Variants in FADS2 observed in about 807,000 individuals in gnomAD.
The protein encoded by FADS2 is fatty acid desaturase 2.
FADS2 carries 18 observed loss-of-function variants against 61.2 expected under a neutral mutation model. The observed-to-expected ratio is 0.29, with a 90% CI of 0.20 to 0.44. The LOEUF is 0.44. FADS2 is among the 20% of genes least tolerant of loss of function. The pLI is 1.00. For missense variants in FADS2, 322 were observed against 572.7 expected (o/e 0.56, Z 4.47); for synonymous variants, 203 against 223.9 (o/e 0.91, Z 0.83).
At chr11:61,850,577 C>T (rs1358059949) in intron 5 of FADS2, among the ~76,000 whole-genome samples, 1 of 152,108 alleles carries the variant, frequency 6.6e-6, no homozygotes, top group Non-Finnish European at 1.5e-5. Context: ...AAAGCCCCAC[C>T]AATGCGTTCC....
At position 61,862,993 on chromosome 11, in the gene FADS2, T is replaced by C; in HGVS notation, c.904T>C (p.Tyr302His). The part of the protein sequence containing the change: ...NWVDLAWAVS[Y>H]YIRFFITYIP... ...GCAGGACCTGGCCTGGGCCGTCAGC[T>C]ACTACATCCGGTTCTTCATCACCTA... Residue 302 changes from tyrosine to histidine, a missense_variant, in exon 8 of 12, where the codon TAC (tyrosine) becomes CAC (histidine). Physicochemically the swap from Tyr to His is moderately conservative, Grantham distance 83 (BLOSUM62 2). Around this residue, in one of 3 missense-constraint regions of FADS2, gnomAD observed 221 missense variants for 427.9 expected, o/e 0.52. Coordinates refer to ENST00000278840, the MANE Select transcript of FADS2 (RefSeq NM_004265.4). 6.2e-7 allele frequency: 1 copy of C among 1,614,232 alleles called. No individual in the cohort carries two copies. The highest frequency in any genetic ancestry group is 8.5e-7 in the Non-Finnish European group (1 of 1,180,034).
chr11:61,817,160 A>T, intron 1 of FADS2: 4 of 246,756 alleles, frequency 1.6e-5, no homozygotes, highest in East Asian at 1.1e-4. Context: ...GCAGGAGTGA[A>T]TGGACTGAGG....
upstream of FADS2, among the ~76,000 whole-genome samples, chr11:61,824,507 G>GA (rs1279487314): frequency 5.8e-5 from 6 of 104,014 alleles, no homozygotes; most frequent in South Asian, 2.7e-4. Flanking sequence ...AGAAAGGAAA[G>GA]AAAGAAAGAA....
intron 5 of FADS2, among the ~76,000 whole-genome samples, chr11:61,853,277 TCCCTCCCTCCCTC>T (rs2067325111): frequency 2.1e-5 from 1 of 48,038 alleles, no homozygotes; most frequent in Non-Finnish European, 3.7e-5. Context: ...CTCCCTCCCT[TCCCTCCCTCCCTC>T]CCTTCCTTCC....
upstream of FADS2, among the ~76,000 whole-genome samples, chr11:61,823,642 G>A (rs557014123): frequency 1.3e-5 from 2 of 152,082 alleles, no homozygotes; most frequent in Non-Finnish European, 2.9e-5. Context: ...TCAGCCTCCC[G>A]AGTAGCTGGG....
intron 1 of FADS2, among the ~76,000 whole-genome samples, chr11:61,834,525 G>T (rs2067154456): frequency 1.3e-5 from 2 of 152,160 alleles, no homozygotes; most frequent in African/African-American, 4.8e-5. Context: ...TCTGGAAATG[G>T]CTGAGCAGCA....
chr11:61,818,854 A>G (rs1486427163), intron 1 of FADS2, among the ~76,000 whole-genome samples: 1 of 134,226 alleles, frequency 7.5e-6, no homozygotes, highest in Non-Finnish European at 1.7e-5. Flanking sequence ...ATAGTTTGAC[A>G]ACTTATATAG....
intron 1 of FADS2, among the ~76,000 whole-genome samples, chr11:61,834,569 C>T (rs1022967070): frequency 5.3e-5 from 8 of 152,188 alleles, no homozygotes; most frequent in Non-Finnish European, 7.4e-5. Context: ...CATCTGTCTG[C>T]TCCCTTGGAG....
intron 7 of FADS2, among the ~76,000 whole-genome samples, chr11:61,861,190 TAAAAATACA>T (rs2067410911): frequency 6.6e-6 from 1 of 151,074 alleles, no homozygotes; most frequent in South Asian, 2.1e-4. Flanking sequence ...CCATCTCCAC[TAAAAATACA>T]AAAAATTATC....
upstream of FADS2, chr11:61,825,882 G>A: frequency 1.7e-6 from 1 of 584,958 alleles, no homozygotes; most frequent in Non-Finnish European, 3.1e-6. Context: ...AACAGAGTGA[G>A]ACTGCATCTC....
rs533768521 is a variant in FADS2 at position 61,849,195 on chromosome 11, G to A, written c.744+911G>A. On this transcript the variant is annotated intron_variant, in intron 5 of 11. Transcript: ENST00000278840. ...CAGGCATGAGCCAACGTGCCCAGCC[G>A]AGAGAGTCACGTAATTTAGTGGCCA... Among the ~76,000 whole-genome samples the A allele has an allele frequency of 5.9e-5, 9 of 152,270 alleles. No individual in the cohort carries two copies. In the South Asian group the frequency reaches 1.2e-3, roughly 21 times the overall value.
At chr11:61,860,124 C>T (rs1689055406) in intron 7 of FADS2, among the ~76,000 whole-genome samples, 1 of 152,178 alleles carries the variant, frequency 6.6e-6, no homozygotes, top group Non-Finnish European at 1.5e-5. Context: ...AGCTGTTCTG[C>T]CCTTTGGCAG....
chr11:61,820,929 G>T (rs1423790076), intron 1 of FADS2, among the ~76,000 whole-genome samples: 2 of 152,052 alleles, frequency 1.3e-5, no homozygotes, highest in Admixed American at 6.6e-5. Context: ...AAAATTTGCT[G>T]AATCAACTGA....
Position 61,865,339 on chromosome 11 carries a change from T to G in FADS2, c.1283+62T>G. ...ATCACCCGTGGTGCAGACAGTGGGA[T>G]CACAAGAGGGGCTGGGCCCTCCTGG... On this transcript the variant is annotated intron_variant, in intron 11 of 11. Coordinates refer to ENST00000278840, the MANE Select transcript of FADS2 (RefSeq NM_004265.4). The surrounding 1 kb of genome is among the most constrained non-coding windows in gnomAD (Gnocchi z 4.1). 2 of 1,587,778 alleles carry G rather than the reference T, an allele frequency of 1.3e-6. No homozygotes were observed. The highest frequency in any genetic ancestry group is 2.3e-5 in the South Asian group (2 of 88,160).
intron 7 of FADS2, among the ~76,000 whole-genome samples, chr11:61,861,365 A>AAAAACC (rs1555078419): frequency 7.6e-6 from 1 of 130,790 alleles, no homozygotes; most frequent in African/African-American, 3.0e-5. Context: ...AAAAAAAAAA[A>AAAAACC]AAAAAACAGA....
chr11:61,858,861 G>A (rs985282813), intron 7 of FADS2, among the ~76,000 whole-genome samples: 5 of 152,202 alleles, frequency 3.3e-5, no homozygotes, highest in African/African-American at 1.2e-4. Flanking sequence ...GGGATTACAG[G>A]CGTGAGCCAC....
At chr11:61,829,288 G>A (rs2067108484) in intron 1 of FADS2, 1 of 152,252 alleles carries the variant, frequency 6.6e-6, no homozygotes, top group Admixed American at 6.5e-5. Context: ...CAGGTCGAGT[G>A]AGGCCTTGAG....
chr11:61,838,963 C>A (rs2067196580), intron 2 of FADS2, among the ~76,000 whole-genome samples: 1 of 152,180 alleles, frequency 6.6e-6, no homozygotes, highest in African/African-American at 2.4e-5. Context: ...CATTTAGCAT[C>A]CAAGCTCCCA....
At chr11:61,850,994 C>T (rs1162367502) in intron 5 of FADS2, among the ~76,000 whole-genome samples, 1 of 152,186 alleles carries the variant, frequency 6.6e-6, no homozygotes, top group Non-Finnish European at 1.5e-5. Context: ...GTAACATGGC[C>T]AATTCGCAGG....
Sources: gnomAD v4.1 joint callset for allele counts (sites outside exome capture counted in the v4.1 genomes callset) on GRCh38, gnomAD v4.1.1 for gene constraint, gnomAD v4.1.1 regional missense constraint, Gnocchi (gnomAD v3.1) non-coding constraint, MANE v1.5 for transcripts, NCBI Gene and HGNC (gene_info 2026-07-23, HGNC 2026-07-21) for gene names.